The following DMD variants were observed in gnomAD, a reference collection of about 807,000 sequenced individuals.
DMD encodes dystrophin, also known as mutant dystrophin.
DMD carries 63 observed loss-of-function variants against 330.1 expected under a neutral mutation model. The observed-to-expected ratio is 0.19, with a 90% CI of 0.16 to 0.24. The LOEUF (loss-of-function observed/expected upper bound fraction) is 0.24. DMD is among the 10% of genes least tolerant of loss of function. The pLI, the probability that DMD is intolerant of heterozygous loss-of-function variation, is 1.00. For missense variants in DMD, 3,344 were observed against 2,684.1 expected, an observed-to-expected ratio of 1.25 and a Z score of -5.43; for synonymous variants, 1,223 against 959.8, an observed-to-expected ratio of 1.27 and a Z score of -5.07.
chrX:32,992,115 A>G (rs1187531863), intron 2 of DMD, among the ~76,000 whole-genome samples: 1 of 112,221 alleles, frequency 8.9e-6, no homozygotes, highest in East Asian at 2.8e-4. Context: ...TTTGGAGAAA[A>G]CAATCAAAAG....
At chrX:32,265,329 C>T (rs187134290) in intron 43 of DMD, among the ~76,000 whole-genome samples, 100 of 112,745 alleles carry the variant, frequency 8.9e-4, no homozygotes, top group Middle Eastern at 4.6e-3. Context: ...CCTGTGGGTA[C>T]ACAGAAGTCA....
At chrX:32,012,476 T>C (rs1301768089) in intron 44 of DMD, among the ~76,000 whole-genome samples, 1 of 111,856 alleles carries the variant, frequency 8.9e-6, no homozygotes, top group Non-Finnish European at 1.9e-5. Flanking sequence ...GCTGCTACTG[T>C]TTCTTCAATT....
At chrX:32,900,867 T>C (rs1465933142) in intron 2 of DMD, among the ~76,000 whole-genome samples, 1 of 111,795 alleles carries the variant, frequency 8.9e-6, no homozygotes, top group East Asian at 2.8e-4. Flanking sequence ...TATGAAGTGT[T>C]AAAATTGCAA....
At chrX:32,332,309 A>G (rs924548362) in intron 41 of DMD, among the ~76,000 whole-genome samples, 5 of 110,358 alleles carry the variant, frequency 4.5e-5, no homozygotes, top group Middle Eastern at 4.7e-3. Flanking sequence ...CTCTACTTCT[A>G]GGTAGGGAAA....
At chrX:32,437,846 TG>T (rs2098267522) in intron 29 of DMD, among the ~76,000 whole-genome samples, 2 of 112,234 alleles carry the variant, frequency 1.8e-5, no homozygotes, top group South Asian at 3.6e-4. Context: ...ATAAATAATA[TG>T]GGGTACTAAC....
chrX:32,392,470 G>C (rs1477742398), intron 30 of DMD, among the ~76,000 whole-genome samples: 1 of 110,872 alleles, frequency 9.0e-6, no homozygotes, highest in African/African-American at 3.3e-5. Context: ...ATGTTGGTCA[G>C]GATGGTCTCG....
At chrX:31,895,892 A>G (rs1426484702) in intron 47 of DMD, among the ~76,000 whole-genome samples, 1 of 111,858 alleles carries the variant, frequency 8.9e-6, no homozygotes, top group Non-Finnish European at 1.9e-5. Context: ...CATTAACCCT[A>G]TTCTTTCACT....
intron 3 of DMD, among the ~76,000 whole-genome samples, chrX:32,846,743 A>AAAAAAAAC (rs2080713390): frequency 9.4e-6 from 1 of 106,734 alleles, no homozygotes; most frequent in Non-Finnish European, 1.9e-5. Context: ...AAAAAAAAAA[A>AAAAAAAAC]AAAAGCAACA....
At chrX:33,021,295 A>G (rs2093909826) in intron 1 of DMD, among the ~76,000 whole-genome samples, 1 of 110,940 alleles carries the variant, frequency 9.0e-6, no homozygotes, top group African/African-American at 3.3e-5. Context: ...TAAACTGGAA[A>G]TTAGTATTAA....
chrX:32,146,243 G>C (rs2096777601), intron 44 of DMD, among the ~76,000 whole-genome samples: 1 of 111,927 alleles, frequency 8.9e-6, no homozygotes, highest in Non-Finnish European at 1.9e-5. Context: ...TAAAATGTTA[G>C]TGTTATTAAC....
intron 1 of DMD, among the ~76,000 whole-genome samples, chrX:33,204,086 A>T (rs756790839): frequency 8.9e-6 from 1 of 112,038 alleles, no homozygotes; most frequent in African/African-American, 3.2e-5. Context: ...ATTGCTTCAG[A>T]TTGATAGTCC....
intron 61 of DMD, among the ~76,000 whole-genome samples, chrX:31,336,479 C>G (rs948309900): frequency 6.2e-5 from 7 of 112,148 alleles, no homozygotes; most frequent in African/African-American, 2.3e-4. Context: ...CCAGGCCAAA[C>G]TCACAAATGC....
chrX:32,558,833 A>G (rs1233702903), intron 16 of DMD, among the ~76,000 whole-genome samples: 1 of 109,524 alleles, frequency 9.1e-6, no homozygotes, highest in Non-Finnish European at 1.9e-5. Flanking sequence ...GGTAAAACCT[A>G]TTGCACTGAT....
intron 78 of DMD, among the ~76,000 whole-genome samples, chrX:31,122,976 G>A (rs2032978620): frequency 9.0e-6 from 1 of 111,435 alleles, no homozygotes; most frequent in Admixed American, 9.6e-5. Context: ...TTCAAGTATT[G>A]TCTTTGGAAC....
intron 17 of DMD, among the ~76,000 whole-genome samples, chrX:32,543,993 A>G (rs1208169845): frequency 1.8e-5 from 2 of 112,247 alleles, no homozygotes; most frequent in African/African-American, 3.2e-5. Flanking sequence ...TGTAATTTTG[A>G]CATGTCATAA....
chrX:31,415,937 G>C (rs1033407755), intron 60 of DMD, among the ~76,000 whole-genome samples: 1 of 111,088 alleles, frequency 9.0e-6, no homozygotes, highest in African/African-American at 3.3e-5. Flanking sequence ...ATAACAACTT[G>C]ATAATAAAGG....
chrX:31,490,293 T>C (rs1449660072), intron 57 of DMD, among the ~76,000 whole-genome samples: 2 of 112,287 alleles, frequency 1.8e-5, no homozygotes, highest in Non-Finnish European at 3.8e-5. Flanking sequence ...CCGGGCGCGG[T>C]GGCTCACGCC....
At chrX:31,889,299 A>T (rs1465021358) in intron 47 of DMD, among the ~76,000 whole-genome samples, 1 of 111,488 alleles carries the variant, frequency 9.0e-6, no homozygotes, top group East Asian at 2.8e-4. Flanking sequence ...ATCTAACTCC[A>T]TGGTCAAAGA....
chrX:33,265,282 T>G (rs747619726), intron 1 of DMD, among the ~76,000 whole-genome samples: 1 of 111,052 alleles, frequency 9.0e-6, no homozygotes, highest in South Asian at 3.8e-4. Context: ...GGAGGGCTCT[T>G]GTTGGAAACC....
Sources: gnomAD v4.1 joint callset for allele counts (sites outside exome capture counted in the v4.1 genomes callset) on GRCh38, gnomAD v4.1.1 for gene constraint, MANE v1.5 for transcripts, NCBI Gene and HGNC (gene_info 2026-07-23, HGNC 2026-07-21) for gene names.